The following FTCDNL1 variants were observed in gnomAD, a reference collection of about 807,000 sequenced individuals.
The protein encoded by FTCDNL1 is formiminotransferase N-terminal subdomain-containing protein.
In FTCDNL1, 11 loss-of-function variants were observed where a neutral mutation model predicts 5.9. That is an observed-to-expected ratio of 1.87 (90% CI 1.18 to 3.10). The LOEUF is 3.10. Among genes scored for constraint, FTCDNL1 ranks in the 30% most tolerant of loss-of-function variants. FTCDNL1 has a pLI of 0.00. For missense variants in FTCDNL1, 115 were observed against 65.5 expected, an observed-to-expected ratio of 1.76 and a Z score of -2.61; for synonymous variants, 58 against 24.8, an observed-to-expected ratio of 2.34 and a Z score of -3.99.
the FTCDNL1 span, among the ~76,000 whole-genome samples, chr2:199,692,768 T>TGCATTTATGAG: frequency 0.023 from 3,486 of 152,334 alleles, 141 homozygotes; most frequent in African/African-American, 0.078. Flanking sequence ...GAATAAACTA[T>TGCATTTATGAG]GTACCTCATA....
At chr2:199,723,002 G>T in the FTCDNL1 span, among the ~76,000 whole-genome samples, 2 of 151,834 alleles carry the variant, frequency 1.3e-5, no homozygotes, top group African/African-American at 2.4e-5. Flanking sequence ...GAATGTGCAG[G>T]TTTGTTACAT....
chr2:199,788,730 A>T (rs1450770469), intron 3 of FTCDNL1, among the ~76,000 whole-genome samples: 1 of 152,108 alleles, frequency 6.6e-6, no homozygotes, highest in Non-Finnish European at 1.5e-5. Flanking sequence ...GAAAGAATAA[A>T]CAAATTACAA....
intron 3 of FTCDNL1, among the ~76,000 whole-genome samples, chr2:199,838,225 A>C (rs1338749099): frequency 3.3e-5 from 5 of 152,198 alleles, no homozygotes; most frequent in African/African-American, 1.2e-4. Flanking sequence ...AGTACAGAAA[A>C]TCAGACTAAA....
intron 3 of FTCDNL1, among the ~76,000 whole-genome samples, chr2:199,762,474 C>G (rs529319304): frequency 6.6e-6 from 1 of 152,292 alleles, no homozygotes; most frequent in Admixed American, 6.5e-5. Context: ...GTTGGACAAG[C>G]TTGGTTTAAT....
chr2:199,764,548 T>A (rs1200604594), intron 3 of FTCDNL1, among the ~76,000 whole-genome samples: 1 of 152,190 alleles, frequency 6.6e-6, no homozygotes, highest in African/African-American at 2.4e-5. Context: ...ATTCATAAAG[T>A]ACAGTGGTTA....
the FTCDNL1 span, among the ~76,000 whole-genome samples, chr2:199,720,913 C>A: frequency 2.0e-5 from 3 of 152,094 alleles, no homozygotes; most frequent in Non-Finnish European, 4.4e-5. Flanking sequence ...CAGCAGTAAC[C>A]TGGATGTCAG....
At position 199,810,247 on chromosome 2, in the gene FTCDNL1, C is replaced by T. The variant is rs555942137; in HGVS notation, c.*2458G>A. 6.6e-5 allele frequency among the ~76,000 whole-genome samples: 10 copies of T among 152,160 alleles called. No individual in the cohort carries two copies. In the South Asian group the frequency reaches 1.2e-3, roughly 19 times the overall value. ...CTCTGTACCCACCACTCCCTCTCTC[C>T]GAAACAAACTCCTGTCATTATTGAA... is the stretch of plus-strand genomic sequence containing the variant. On this transcript the variant is annotated 3_prime_UTR_variant, in exon 5 of 5. Transcript: ENST00000420128.
At chr2:199,766,751 T>C (rs1000933312) in intron 3 of FTCDNL1, among the ~76,000 whole-genome samples, 2 of 152,158 alleles carry the variant, frequency 1.3e-5, no homozygotes, top group East Asian at 1.9e-4. Context: ...TGTATGCAGA[T>C]AGTAAAGAAA....
chr2:199,822,051 C>A (rs1052741237), intron 3 of FTCDNL1, among the ~76,000 whole-genome samples: 2 of 152,150 alleles, frequency 1.3e-5, no homozygotes, highest in Admixed American at 1.3e-4. Context: ...ATACTGTAAT[C>A]TCTTAAGTGT....
chr2:199,753,670 C>A, the FTCDNL1 span, among the ~76,000 whole-genome samples: 4 of 152,186 alleles, frequency 2.6e-5, no homozygotes, highest in Admixed American at 2.6e-4. Flanking sequence ...CCTGCACTTA[C>A]CCTCTCCCCT....
intron 3 of FTCDNL1, among the ~76,000 whole-genome samples, chr2:199,765,631 T>C (rs1240409333): frequency 7.0e-6 from 1 of 142,380 alleles, no homozygotes; most frequent in East Asian, 2.2e-4. Context: ...CACAGCAACC[T>C]ATCAGGTTCA....
intron 3 of FTCDNL1, among the ~76,000 whole-genome samples, chr2:199,840,720 G>C (rs1033791075): frequency 2.0e-5 from 3 of 152,020 alleles, no homozygotes; most frequent in African/African-American, 7.3e-5. Flanking sequence ...GGTTAGATAG[G>C]TACTTAGAAT....
the FTCDNL1 span, among the ~76,000 whole-genome samples, chr2:199,705,501 G>GT: frequency 3.9e-5 from 6 of 152,202 alleles, no homozygotes; most frequent in Middle Eastern, 3.4e-3. Flanking sequence ...GTTCTAGTAA[G>GT]TTTTTTATAA....
intron 3 of FTCDNL1, among the ~76,000 whole-genome samples, chr2:199,775,981 T>C (rs1197300093): frequency 3.8e-4 from 56 of 148,868 alleles, no homozygotes; most frequent in Non-Finnish European, 3.0e-5. Context: ...TGGCGCGATA[T>C]CAGCTCACTG....
intron 3 of FTCDNL1, among the ~76,000 whole-genome samples, chr2:199,842,361 C>T (rs901432804): frequency 6.6e-6 from 1 of 152,108 alleles, no homozygotes; most frequent in Non-Finnish European, 1.5e-5. Context: ...TTTCCCATTC[C>T]ACACCTCTAA....
At chr2:199,724,265 T>A in the FTCDNL1 span, among the ~76,000 whole-genome samples, 1 of 152,150 alleles carries the variant, frequency 6.6e-6, no homozygotes, top group African/African-American at 2.4e-5. Flanking sequence ...TCCATTTGAT[T>A]CTTCTCTCTT....
At chr2:199,770,846 A>G (rs1351430565) in intron 3 of FTCDNL1, among the ~76,000 whole-genome samples, 2 of 152,244 alleles carry the variant, frequency 1.3e-5, no homozygotes. Context: ...TAAAATATTC[A>G]TAATTACATA....
chr2:199,668,745 G>A, the FTCDNL1 span, among the ~76,000 whole-genome samples: 68 of 152,264 alleles, frequency 4.5e-4, no homozygotes, highest in African/African-American at 1.6e-3. Context: ...GTGAGTAACT[G>A]CTTCACACTG....
At chr2:199,783,865 A>G (rs781461981) in intron 3 of FTCDNL1, among the ~76,000 whole-genome samples, 7 of 151,944 alleles carry the variant, frequency 4.6e-5, no homozygotes, top group Non-Finnish European at 1.0e-4. Context: ...AACAAAAAGG[A>G]TTTTGTATCA....
Sources: gnomAD v4.1 joint callset for allele counts (sites outside exome capture counted in the v4.1 genomes callset) on GRCh38, gnomAD v4.1.1 for gene constraint, MANE v1.5 for transcripts, NCBI Gene and HGNC (gene_info 2026-07-23, HGNC 2026-07-21) for gene names.